Variants in TRIP12 observed in about 807,000 individuals in gnomAD.
TRIP12 encodes the protein thyroid hormone receptor interactor 12, also known as E3 ubiquitin-protein ligase TRIP12.
A neutral mutation model predicts 244.2 loss-of-function variants in TRIP12; 25 were observed. That is an observed-to-expected ratio of 0.10 (90% CI 0.07 to 0.14). The LOEUF (loss-of-function observed/expected upper bound fraction) is 0.14, where lower values mean the gene tolerates loss of function less well. Among genes scored for constraint, TRIP12 ranks in the 10% least tolerant of loss-of-function variants. TRIP12 has a pLI of 1.00. For synonymous variants in TRIP12, 905 were observed against 873.1 expected, an observed-to-expected ratio of 1.04 and a Z score of -0.64; for missense variants, 1,677 against 2,486.4, an observed-to-expected ratio of 0.67 and a Z score of 6.92.
intron 39 of TRIP12, among the ~76,000 whole-genome samples, chr2:229,770,843 C>CTT (rs2034006963): frequency 2.0e-5 from 3 of 152,182 alleles, no homozygotes; most frequent in African/African-American, 7.2e-5. Flanking sequence ...CACAAGCTCT[C>CTT]GTCTTGTCTG....
chr2:229,844,835 A>G (rs1358615649), intron 4 of TRIP12, among the ~76,000 whole-genome samples: 1 of 152,188 alleles, frequency 6.6e-6, no homozygotes, highest in East Asian at 1.9e-4. Context: ...ACACACACCT[A>G]TTTTTAATGT....
chr2:229,803,992 A>C lies in TRIP12; in HGVS notation c.2879+7T>G. On this transcript the variant is annotated splice_region_variant and intron_variant, in intron 19 of 41. Coordinates refer to ENST00000675903, the MANE Select transcript of TRIP12 (RefSeq NM_001348323.3). ...GTAAAATGTTTCTACTATTTTCATT[A>C]ACACACCTTGAAACAGCATGATTTT... 1.9e-6 allele frequency: 3 copies of C among 1,602,426 alleles called. No homozygotes were observed. Among genetic ancestry groups the C allele is most frequent in the Non-Finnish European group, 2.6e-6 (3 of 1,174,146 alleles).
At chr2:229,767,840 T>C in intron 41 of TRIP12, 90 bp from the exon 42 acceptor site, 2 of 1,254,870 alleles carry the variant, frequency 1.6e-6, no homozygotes, top group Non-Finnish European at 2.2e-6. Flanking sequence ...CGTACAATAT[T>C]ACACACAAGA....
At chr2:229,887,961 G>A (rs965364384) in intron 1 of TRIP12, among the ~76,000 whole-genome samples, 2 of 152,150 alleles carry the variant, frequency 1.3e-5, no homozygotes, top group Non-Finnish European at 2.9e-5. Context: ...TTGCCTGTAG[G>A]TTATCAGTAA....
chr2:229,831,740 CAAT>C (rs778403791), intron 6 of TRIP12, among the ~76,000 whole-genome samples: 17 of 152,062 alleles, frequency 1.1e-4, no homozygotes, highest in Non-Finnish European at 1.3e-4. Context: ...ACCTGACCAA[CAAT>C]GACAAAAAAA....
upstream of TRIP12, chr2:229,922,221 G>A (rs1164024712): frequency 1.3e-5 from 4 of 310,362 alleles, no homozygotes; most frequent in Non-Finnish European, 1.8e-5. Flanking sequence ...ATCCCTTCGA[G>A]GGACCAGGAA....
At chr2:229,769,473 A>AG in intron 39 of TRIP12, 148 bp from the exon 40 acceptor site, 1 of 412,954 alleles carries the variant, frequency 2.4e-6, no homozygotes, top group Non-Finnish European at 4.1e-6. Context: ...AAAAAAAATA[A>AG]TAATAAAATA....
At chr2:229,922,960 GGAAA>G (rs1351474228), upstream of TRIP12, among the ~76,000 whole-genome samples, 1 of 152,186 alleles carries the variant, frequency 6.6e-6, no homozygotes, top group Non-Finnish European at 1.5e-5. Flanking sequence ...TGAGAAGGAG[GGAAA>G]GAACGACTCA....
chr2:229,863,409 T>C (rs1306711905), intron 2 of TRIP12, among the ~76,000 whole-genome samples: 1 of 152,132 alleles, frequency 6.6e-6, no homozygotes, highest in East Asian at 1.9e-4. Flanking sequence ...ACTTAATACA[T>C]TTTCCATAAA....
intron 41 of TRIP12, 86 bp downstream of exon 41, chr2:229,768,530 G>A: frequency 8.1e-7 from 1 of 1,230,212 alleles, no homozygotes; most frequent in South Asian, 1.3e-5. Flanking sequence ...GTGAGATAAA[G>A]AATCTCCTGC....
rs2054972299 is a variant in TRIP12 at position 229,836,904 on chromosome 2, T to C, written c.1214A>G (p.Gln405Arg). The change falls in exon 6 of 42, where the codon CAG becomes CGG. Residue 405 changes from glutamine to arginine, a missense_variant. Gln to Arg is a conservative substitution (Grantham distance 43, BLOSUM62 1). Coordinates refer to ENST00000675903, the MANE Select transcript of TRIP12 (RefSeq NM_001348323.3). ...AGCAGCTGAAGAATTTACTGCCTCCTGGTTGCTTTCAGGGTCTGCCATTTT... is the reference window on the plus strand; with the variant it reads ...AGCAGCTGAAGAATTTACTGCCTCCCGGTTGCTTTCAGGGTCTGCCATTTT... ...QEKMADPESN[Q>R]EAVNSSAART... 2 of 1,606,586 alleles carry C rather than the reference T, an allele frequency of 1.2e-6. No individual in the cohort carries two copies. The highest frequency in any genetic ancestry group is 1.7e-6 in the Non-Finnish European group (2 of 1,177,746).
chr2:229,875,359 C>T (rs1247957111), intron 2 of TRIP12, among the ~76,000 whole-genome samples: 1 of 152,094 alleles, frequency 6.6e-6, no homozygotes, highest in Non-Finnish European at 1.5e-5. Flanking sequence ...GGAGGTTACA[C>T]AAAGAAGACA....
At chr2:229,847,530 A>G (rs976387965) in intron 4 of TRIP12, among the ~76,000 whole-genome samples, 9 of 152,256 alleles carry the variant, frequency 5.9e-5, no homozygotes, top group Non-Finnish European at 1.3e-4. Flanking sequence ...TACAAGGATG[A>G]GAAGAATGGA....
chr2:229,792,862 CTATT>C (rs1430579953), intron 27 of TRIP12, 107 bp downstream of exon 27: 4 of 1,150,480 alleles, frequency 3.5e-6, no homozygotes, highest in Non-Finnish European at 3.6e-6. Context: ...TTCCTGCCAT[CTATT>C]TTTTAACAGA....
chr2:229,825,177 G>C (rs2051202013), intron 8 of TRIP12, among the ~76,000 whole-genome samples: 1 of 152,176 alleles, frequency 6.6e-6, no homozygotes, highest in South Asian at 2.1e-4. Context: ...AAGCAAATGA[G>C]TCACTATATT....
chr2:229,901,755 T>C (rs561026174), intron 1 of TRIP12, among the ~76,000 whole-genome samples: 30 of 152,034 alleles, frequency 2.0e-4, no homozygotes, highest in African/African-American at 6.5e-4. Context: ...GGCAGACAAA[T>C]AGCAATTACC....
chr2:229,848,700 G>C (rs1308411258), intron 4 of TRIP12, among the ~76,000 whole-genome samples: 10 of 152,182 alleles, frequency 6.6e-5, no homozygotes, highest in African/African-American at 2.4e-4. Context: ...TAAGTCCTGA[G>C]TCTTCAGAAT....
intron 37 of TRIP12, among the ~76,000 whole-genome samples, chr2:229,776,886 T>C (rs937892204): frequency 2.6e-5 from 4 of 152,190 alleles, no homozygotes; most frequent in Admixed American, 2.6e-4. Flanking sequence ...GGAATAGTTG[T>C]TGGCACTCAT....
chr2:229,794,735 TAAACTAGTA>T (rs1373277947), intron 26 of TRIP12: 2 of 152,154 alleles, frequency 1.3e-5, no homozygotes, highest in Non-Finnish European at 2.9e-5. Flanking sequence ...ATATATTTAT[TAAACTAGTA>T]AAACTTCAAA....
Sources: gnomAD v4.1 joint callset for allele counts (sites outside exome capture counted in the v4.1 genomes callset) on GRCh38, gnomAD v4.1.1 for gene constraint, MANE v1.5 for transcripts, NCBI Gene and HGNC (gene_info 2026-07-23, HGNC 2026-07-21) for gene names.